Variants in MYT1L observed in about 807,000 individuals in gnomAD.
MYT1L encodes the protein myelin transcription factor 1-like protein.
In MYT1L, 12 loss-of-function variants were observed where a neutral mutation model predicts 126.7. That is an observed-to-expected ratio of 0.09 (90% CI 0.06 to 0.15). The LOEUF is 0.15. MYT1L is among the 10% of genes least tolerant of loss of function. The pLI, the probability that MYT1L is intolerant of heterozygous loss-of-function variation, is 1.00. For synonymous variants in MYT1L, 541 were observed against 604.2 expected (o/e 0.90, Z 1.53); for missense variants, 979 against 1,585.2 (o/e 0.62, Z 6.49).
At chr2:1,891,714 T>C (rs954357617) in intron 15 of MYT1L, among the ~76,000 whole-genome samples, 24 of 152,210 alleles carry the variant, frequency 1.6e-4, no homozygotes, top group Non-Finnish European at 2.9e-4. Context: ...GTGCGGTCAC[T>C]GGAGACCACA....
chr2:2,052,512 C>T (rs549864340), intron 4 of MYT1L, among the ~76,000 whole-genome samples: 185 of 152,286 alleles, frequency 1.2e-3, no homozygotes, highest in African/African-American at 4.3e-3. Context: ...ACCCATGAAA[C>T]AGCAGAAGAT....
intron 21 of MYT1L, among the ~76,000 whole-genome samples, chr2:1,821,288 T>G (rs1371042768): frequency 6.6e-6 from 1 of 151,942 alleles, no homozygotes; most frequent in African/African-American, 2.4e-5. Context: ...ATTAGTTGAT[T>G]ACTAACTCTC....
At chr2:2,244,744 A>G (rs2094501287) in intron 2 of MYT1L, among the ~76,000 whole-genome samples, 3 of 152,206 alleles carry the variant, frequency 2.0e-5, no homozygotes, top group Admixed American at 2.0e-4. Context: ...GCCCTTGGCA[A>G]GACACGATAC....
intron 4 of MYT1L, among the ~76,000 whole-genome samples, chr2:2,037,624 T>TG (rs1270593139): frequency 1.3e-5 from 2 of 151,538 alleles, no homozygotes; most frequent in African/African-American, 4.8e-5. Context: ...GTCATGGTGG[T>TG]GCATGCCTGT....
At chr2:2,055,699 T>C (rs1272300972) in intron 3 of MYT1L, among the ~76,000 whole-genome samples, 3 of 152,226 alleles carry the variant, frequency 2.0e-5, no homozygotes, top group African/African-American at 7.2e-5. Flanking sequence ...ATAGTAGGAT[T>C]GGACATTAAT....
At chr2:2,320,247 C>T (rs1182452710) in intron 1 of MYT1L, among the ~76,000 whole-genome samples, 2 of 151,942 alleles carry the variant, frequency 1.3e-5, no homozygotes, top group East Asian at 1.9e-4. Flanking sequence ...AGAGCCTCTG[C>T]CCTGGGGATG....
chr2:2,296,201 C>T (rs1025174385), intron 1 of MYT1L, among the ~76,000 whole-genome samples: 14 of 152,224 alleles, frequency 9.2e-5, no homozygotes, highest in African/African-American at 3.4e-4. Context: ...TGCAGCTAAA[C>T]TTCCTCCTGT....
chr2:2,153,470 G>A (rs775676267), intron 3 of MYT1L, among the ~76,000 whole-genome samples: 1 of 152,168 alleles, frequency 6.6e-6, no homozygotes, highest in Admixed American at 6.5e-5. Flanking sequence ...TTGTTTAGAC[G>A]TGAGACTGGA....
chr2:2,007,612 T>C (rs541954764), intron 4 of MYT1L, among the ~76,000 whole-genome samples: 7 of 152,346 alleles, frequency 4.6e-5, no homozygotes, highest in African/African-American at 1.7e-4. Context: ...ACTTCTTGCA[T>C]GACTCAGATT....
At chr2:2,057,152 G>C (rs2069686698) in intron 3 of MYT1L, among the ~76,000 whole-genome samples, 1 of 152,080 alleles carries the variant, frequency 6.6e-6, no homozygotes. Context: ...CACCAGTGTA[G>C]GTTTCTGTGT....
intron 19 of MYT1L, among the ~76,000 whole-genome samples, chr2:1,846,533 C>T (rs537300316): frequency 2.6e-5 from 4 of 152,204 alleles, no homozygotes; most frequent in East Asian, 3.9e-4. Context: ...ACAGAGCATA[C>T]GGACAGCTCC....
chr2:1,977,435 C>T (rs1307750025), intron 8 of MYT1L, among the ~76,000 whole-genome samples: 1 of 152,178 alleles, frequency 6.6e-6, no homozygotes, highest in East Asian at 1.9e-4. Flanking sequence ...GGAAACGTCA[C>T]GATTTTTCCT....
intron 2 of MYT1L, among the ~76,000 whole-genome samples, chr2:2,234,124 T>C (rs2094225668): frequency 6.6e-6 from 1 of 152,210 alleles, no homozygotes; most frequent in African/African-American, 2.4e-5. Context: ...AAACGCACAG[T>C]CTATTTGTCT....
intron 1 of MYT1L, among the ~76,000 whole-genome samples, chr2:2,301,449 G>T (rs754382413): frequency 4.6e-5 from 7 of 151,840 alleles, no homozygotes; most frequent in Non-Finnish European, 1.0e-4. Context: ...GTCAGGCACT[G>T]CCCTCAGCAT....
intron 8 of MYT1L, among the ~76,000 whole-genome samples, chr2:1,951,472 C>A (rs2057746793): frequency 6.6e-6 from 1 of 152,194 alleles, no homozygotes; most frequent in Non-Finnish European, 1.5e-5. Flanking sequence ...CCAGGAGACA[C>A]AACCACAGAC....
chr2:1,924,816 A>G (rs2054015644), intron 9 of MYT1L, among the ~76,000 whole-genome samples: 1 of 152,220 alleles, frequency 6.6e-6, no homozygotes, highest in South Asian at 2.1e-4. Flanking sequence ...AAGAAAGAAA[A>G]TCAAACTAGT....
rs754873838 is a variant in MYT1L at position 1,792,483 on chromosome 2, C to T, written c.3277-19G>A. On this transcript the variant is annotated intron_variant, in intron 23 of 24. Coordinates refer to ENST00000647738, the MANE Select transcript of MYT1L (RefSeq NM_001303052.2). ...TGGTAATCTGAAACGCACAAGTGTG[C>T]GTGACATGTAACACCAGGAGGACCT... 7.5e-6 allele frequency: 12 copies of T among 1,607,204 alleles called. No homozygotes were observed. Among genetic ancestry groups the T allele is most frequent in the South Asian group, 3.3e-5 (3 of 90,268 alleles).
chr2:2,244,449 T>C (rs1006659959), intron 2 of MYT1L, among the ~76,000 whole-genome samples: 1 of 152,226 alleles, frequency 6.6e-6, no homozygotes, highest in Non-Finnish European at 1.5e-5. Context: ...ATTATCTTAG[T>C]TTAGTCTCAC....
At chr2:2,162,058 C>T (rs79170872) in intron 3 of MYT1L, among the ~76,000 whole-genome samples, 9,384 of 152,164 alleles carry the variant, frequency 0.062, 383 homozygotes, top group East Asian at 0.18. Flanking sequence ...CCAGTGTTTC[C>T]GGCCAGAAGT....
Sources: gnomAD v4.1 joint callset for allele counts (sites outside exome capture counted in the v4.1 genomes callset) on GRCh38, gnomAD v4.1.1 for gene constraint, MANE v1.5 for transcripts, NCBI Gene and HGNC (gene_info 2026-07-23, HGNC 2026-07-21) for gene names.